MICAL2: variants seen among roughly 807,000 people sequenced by gnomAD.
The protein encoded by MICAL2 is [F-actin]-monooxygenase MICAL2.
Under a neutral mutation model 127.3 loss-of-function variants are expected in MICAL2, and 77 were observed. The ratio of observed to expected loss-of-function variants is 0.60; its 90% CI spans 0.50 to 0.73. The LOEUF is 0.73. MICAL2 is among the 30% of genes least tolerant of loss of function. MICAL2 has a pLI of 0.00. For synonymous variants in MICAL2, 570 were observed against 551.1 expected, an observed-to-expected ratio of 1.03 and a Z score of -0.48; for missense variants, 1,351 against 1,434.4, an observed-to-expected ratio of 0.94 and a Z score of 0.94.
chr11:12,170,586 C>A (rs1856122238), intron 3 of MICAL2, among the ~76,000 whole-genome samples: 1 of 152,188 alleles, frequency 6.6e-6, no homozygotes, highest in African/African-American at 2.4e-5. Flanking sequence ...GACTTTAGGG[C>A]CCTGGCCCAT....
At chr11:12,240,978 G>T in intron 17 of MICAL2, 62 bp from the exon 18 acceptor site, 1 of 1,589,554 alleles carries the variant, frequency 6.3e-7, no homozygotes, top group South Asian at 1.1e-5. Flanking sequence ...CTCTCAATCT[G>T]ACTCACCTTT....
At chr11:12,257,327 C>A (rs370998743) in intron 24 of MICAL2, 19 of 221,846 alleles carry the variant, frequency 8.6e-5, no homozygotes, top group East Asian at 8.4e-4. Context: ...CAGCACCACA[C>A]CTGGCATGCA....
chr11:12,135,820 G>A (rs1851789722), intron 1 of MICAL2, among the ~76,000 whole-genome samples: 1 of 152,168 alleles, frequency 6.6e-6, no homozygotes, highest in African/African-American at 2.4e-5. Context: ...GGAGGGGCTG[G>A]GATGTGGAGA....
rs56946936 is a variant in MICAL2, at chr11:12,180,921, CTTTTTTTTTTTTTT to C, written c.264+18513_264+18526del. 3.6e-5 allele frequency among the ~76,000 whole-genome samples: 3 copies of C among 82,442 alleles called. No individual in the cohort carries two copies. In the East Asian group the frequency reaches 8.2e-4, roughly 23 times the overall value. 54.1% of individuals were successfully genotyped at this position (82,442 alleles called of 152,430 possible). A position where few individuals can be genotyped will look rare whatever the true frequency, so the allele number is the denominator to read the frequency against. ...AATTATTCTTGCCTTTATTTTCCTT[CTTTTTTTTTTTTTT>C]TTTTTTTTTTGAGATGGAGTTTTGC... On this transcript the variant is annotated intron_variant, in intron 3 of 27. Transcript: ENST00000683283.
At chr11:12,153,531 A>G (rs748146074) in intron 2 of MICAL2, among the ~76,000 whole-genome samples, 42 of 152,094 alleles carry the variant, frequency 2.8e-4, no homozygotes, top group Non-Finnish European at 4.9e-4. Flanking sequence ...TCCACCTCCC[A>G]GGTTCAAGCG....
chr11:12,294,777 G>A (rs1339702920), downstream of MICAL2: 3 of 1,604,510 alleles, frequency 1.9e-6, no homozygotes, highest in Non-Finnish European at 1.7e-6. Context: ...CCTTTCAAAA[G>A]CACCTCCCTG....
At chr11:12,242,147 C>T in intron 18 of MICAL2, 67 bp from the exon 19 acceptor site, 11 of 1,316,910 alleles carry the variant, frequency 8.4e-6, no homozygotes, top group Non-Finnish European at 1.0e-5. Flanking sequence ...CATGGGGGAT[C>T]CCTCATGGTG....
Position 12,336,304 on chromosome 11 carries a change from G to T in MICAL2, c.5515+9038G>T, listed in dbSNP as rs895052901. ...TCTGTGATTTTTGCACATTGATTTT[G>T]TATCCTGAGACTTTGCTGAAGTGGC... On this transcript the variant is annotated intron_variant, in intron 32 of 34. Coordinates refer to the MICAL2 transcript ENST00000646065. Among the ~76,000 whole-genome samples the T allele has an allele frequency of 2.0e-5, 3 of 152,156 alleles. 1 individual carries two copies. The highest frequency in any genetic ancestry group is 6.3e-3 in the Middle Eastern group (2 of 316).
At chr11:12,140,379 C>G (rs992544589) in intron 2 of MICAL2, among the ~76,000 whole-genome samples, 1 of 152,334 alleles carries the variant, frequency 6.6e-6, no homozygotes, top group African/African-American at 2.4e-5. Flanking sequence ...ATGGCCCAGT[C>G]CTACTGTTTA....
chr11:12,178,726 A>T (rs1488029533), intron 3 of MICAL2, among the ~76,000 whole-genome samples: 4 of 146,342 alleles, frequency 2.7e-5, no homozygotes, highest in African/African-American at 5.0e-5. Flanking sequence ...TATTATTACT[A>T]TTTTTTTTTT....
downstream of MICAL2, among the ~76,000 whole-genome samples, chr11:12,266,378 G>A (rs1177639878): frequency 1.3e-5 from 2 of 152,080 alleles, no homozygotes; most frequent in African/African-American, 4.8e-5. Context: ...TGTGTAAGTC[G>A]GTCAAGCAGA....
chr11:12,220,758 T>C (rs1440822544), intron 9 of MICAL2, among the ~76,000 whole-genome samples: 1 of 152,230 alleles, frequency 6.6e-6, no homozygotes. Context: ...GCCATCCTTC[T>C]CAGAGTGTGT....
chr11:12,125,847 C>T (rs141993469), intron 1 of MICAL2, among the ~76,000 whole-genome samples: 17 of 146,204 alleles, frequency 1.2e-4, no homozygotes, highest in Non-Finnish European at 2.4e-4. Flanking sequence ...CTTTGGAATC[C>T]GGTGCAAGTA....
At chr11:12,122,156 A>G (rs1850557319) in intron 1 of MICAL2, among the ~76,000 whole-genome samples, 1 of 152,148 alleles carries the variant, frequency 6.6e-6, no homozygotes, top group African/African-American at 2.4e-5. Flanking sequence ...CTATCTCTGA[A>G]CCTTGGGTTT....
At chr11:12,201,695 T>G (rs535214637) in intron 3 of MICAL2, among the ~76,000 whole-genome samples, 2 of 152,322 alleles carry the variant, frequency 1.3e-5, no homozygotes, top group East Asian at 3.9e-4. Context: ...GAAGTATCCT[T>G]GTCTTTTTCA....
intron 10 of MICAL2, among the ~76,000 whole-genome samples, chr11:12,222,374 C>T (rs1000844716): frequency 6.6e-6 from 1 of 152,218 alleles, no homozygotes; most frequent in African/African-American, 2.4e-5. Flanking sequence ...GCATCCCTCC[C>T]CCTGCCTGGG....
At chr11:12,231,037 A>T (rs1015820427) in intron 15 of MICAL2, among the ~76,000 whole-genome samples, 2 of 152,176 alleles carry the variant, frequency 1.3e-5, no homozygotes, top group Non-Finnish European at 2.9e-5. Flanking sequence ...GGCTCTTGTC[A>T]TCATGCATGT....
chr11:12,294,118 C>T (rs769772246), downstream of MICAL2: 1 of 1,614,050 alleles, frequency 6.2e-7, no homozygotes, highest in Non-Finnish European at 8.5e-7. Flanking sequence ...CAGTCCGCCC[C>T]CTGCTGCTCC....
At chr11:12,309,999 G>T (rs141624254) in intron 29 of MICAL2, among the ~76,000 whole-genome samples, 4 of 151,858 alleles carry the variant, frequency 2.6e-5, no homozygotes, top group South Asian at 2.1e-4. Flanking sequence ...ATCTATTCAG[G>T]CCTTTTGCAT....
Sources: allele counts gnomAD v4.1 joint callset (sites outside exome capture counted in the v4.1 genomes callset), GRCh38; gene constraint gnomAD v4.1.1; transcripts MANE v1.5; gene names NCBI Gene and HGNC (gene_info 2026-07-23, HGNC 2026-07-21).